NT5DC3: variants seen among roughly 807,000 people sequenced by gnomAD.
NT5DC3 encodes 5'-nucleotidase domain-containing protein 3.
NT5DC3 carries 42 observed loss-of-function variants against 67.8 expected under a neutral mutation model. That is an observed-to-expected ratio of 0.62 (90% CI 0.48 to 0.80). NT5DC3 has a LOEUF of 0.80. NT5DC3 is among the 30% of genes least tolerant of loss of function. NT5DC3 has a pLI of 0.00. For missense variants in NT5DC3, 570 were observed against 696.4 expected (o/e 0.82, Z 2.04); for synonymous variants, 237 against 255.6 (o/e 0.93, Z 0.69).
Position 103,796,932 on chromosome 12 carries a change from T to C in NT5DC3, c.715A>G (p.Ile239Val). 1 of 1,613,950 alleles carries C rather than the reference T, an allele frequency of 6.2e-7. No individual in the cohort carries two copies. The highest frequency in any genetic ancestry group is 8.5e-7 in the Non-Finnish European group (1 of 1,179,884). Residue 239 changes from isoleucine (I) to valine (V), a missense_variant, in exon 6 of 14, where the codon ATC (isoleucine) becomes GTC (valine). Physicochemically the swap from Ile to Val is conservative, Grantham distance 29. Coordinates refer to ENST00000392876, the MANE Select transcript of NT5DC3 (RefSeq NM_001031701.3). Reference protein sequence around the residue: ...CVNEYFLKNNIDYEPVHLYKD... With the variant: ...CVNEYFLKNNVDYEPVHLYKD... ...TACAGATGCACAGGCTCATAGTCGATGTTGTTCTTGAGGAAGTATTCATTC... is the reference window on the plus strand; with the variant it reads ...TACAGATGCACAGGCTCATAGTCGACGTTGTTCTTGAGGAAGTATTCATTC...
At chr12:103,765,276 A>G in the NT5DC3 span, among the ~76,000 whole-genome samples, 1 of 152,136 alleles carries the variant, frequency 6.6e-6, no homozygotes, top group Admixed American at 6.5e-5. Context: ...ACCATGCATG[A>G]AAGATTTACC....
At chr12:103,830,860 A>C (rs1887896293) in intron 1 of NT5DC3, among the ~76,000 whole-genome samples, 1 of 152,176 alleles carries the variant, frequency 6.6e-6, no homozygotes, top group Non-Finnish European at 1.5e-5. Context: ...CAATATCTTA[A>C]GTCCTATTCA....
chr12:103,781,947 T>C (rs1375013307), intron 12 of NT5DC3, among the ~76,000 whole-genome samples: 1 of 152,230 alleles, frequency 6.6e-6, no homozygotes, highest in African/African-American at 2.4e-5. Context: ...TTGAGAAAGA[T>C]ATTACAATCT....
chr12:103,832,983 C>T (rs947270575), intron 1 of NT5DC3, among the ~76,000 whole-genome samples: 4 of 152,146 alleles, frequency 2.6e-5, no homozygotes, highest in Admixed American at 2.0e-4. Context: ...TCAGTGGGTC[C>T]TATGACTCCA....
intron 1 of NT5DC3, among the ~76,000 whole-genome samples, chr12:103,822,343 G>A (rs1215589619): frequency 1.3e-5 from 2 of 152,058 alleles, no homozygotes; most frequent in African/African-American, 4.8e-5. Flanking sequence ...AACAGCAATG[G>A]TCTAGTATTC....
the NT5DC3 span, chr12:103,758,992 A>C: frequency 9.9e-6 from 14 of 1,414,790 alleles, no homozygotes; most frequent in Non-Finnish European, 1.4e-5. Flanking sequence ...GCCTAAGAAA[A>C]CCTTGACATT....
intron 1 of NT5DC3, among the ~76,000 whole-genome samples, chr12:103,832,668 C>T (rs1401681284): frequency 6.6e-6 from 1 of 152,148 alleles, no homozygotes; most frequent in Non-Finnish European, 1.5e-5. Context: ...CAGCAAAAGT[C>T]AGGCCAAAAA....
downstream of NT5DC3, chr12:103,766,273 C>A: frequency 6.2e-7 from 1 of 1,614,014 alleles, no homozygotes; most frequent in East Asian, 2.2e-5. Flanking sequence ...CCTTACAACC[C>A]TCTCTTTTCC....
chr12:103,825,171 C>T (rs1480180195), intron 1 of NT5DC3, among the ~76,000 whole-genome samples: 1 of 152,172 alleles, frequency 6.6e-6, no homozygotes, highest in Admixed American at 6.5e-5. Flanking sequence ...TATTTTGCAT[C>T]GTCTCCGAGG....
intron 4 of NT5DC3, among the ~76,000 whole-genome samples, chr12:103,798,939 C>T (rs1358854724): frequency 1.3e-5 from 2 of 152,190 alleles, no homozygotes; most frequent in Non-Finnish European, 2.9e-5. Flanking sequence ...ATGAATTACA[C>T]CTAGTCATTC....
At chr12:103,755,404 G>A in the NT5DC3 span, 7 of 1,614,062 alleles carry the variant, frequency 4.3e-6, no homozygotes, top group African/African-American at 1.3e-5. Context: ...GGTTGGGATA[G>A]TGGACTATGG....
intron 1 of NT5DC3, among the ~76,000 whole-genome samples, chr12:103,826,177 C>T (rs1887686997): frequency 1.3e-5 from 2 of 152,226 alleles, no homozygotes; most frequent in Non-Finnish European, 2.9e-5. Context: ...CCTCCCCAAC[C>T]TCCTCTCCAG....
chr12:103,762,521 C>G, the NT5DC3 span: 1 of 1,511,372 alleles, frequency 6.6e-7, no homozygotes, highest in East Asian at 2.3e-5. Context: ...GTGTGTCACA[C>G]AGTAGCAGGG....
intron 8 of NT5DC3, 53 bp from the exon 9 acceptor site, chr12:103,793,318 C>T: frequency 6.4e-7 from 1 of 1,553,284 alleles, no homozygotes; most frequent in East Asian, 2.3e-5. Context: ...TTAACTGTGT[C>T]TGTAACTTTT....
At chr12:103,780,081 C>T (rs990627355) in intron 13 of NT5DC3, among the ~76,000 whole-genome samples, 3 of 152,146 alleles carry the variant, frequency 2.0e-5, no homozygotes, top group African/African-American at 2.4e-5. Context: ...ATGGCAAGGG[C>T]GGAGGAATGA....
Position 103,787,508 on chromosome 12 carries a change from A to C in NT5DC3, c.1121T>G (p.Leu374Trp), listed in dbSNP as rs773880473. The change falls in exon 11 of 14, where the codon TTG becomes TGG. Residue 374 changes from leucine (L) to tryptophan (W), a missense_variant. Leu to Trp is a moderately conservative substitution (Grantham distance 61). This residue lies in a region of NT5DC3 where 466 missense variants were observed against 608.0 expected (regional missense o/e 0.77). Coordinates refer to ENST00000392876, the MANE Select transcript of NT5DC3 (RefSeq NM_001031701.3). ...GGATCCTCTCCATCCAGTAAGCTTC[A>C]AAAATTCATATAAATTACCCTGTAA... Reference protein sequence around the residue: ...IYKQGNLYEFLKLTGWRGSRV... With the variant: ...IYKQGNLYEFWKLTGWRGSRV... The C allele has an allele frequency of 3.8e-6, 6 of 1,594,994 alleles. No homozygotes were observed. The East Asian group carries it at 1.1e-4, about 30-fold the overall frequency.
intron 1 of NT5DC3, among the ~76,000 whole-genome samples, chr12:103,839,551 T>G (rs898934979): frequency 2.0e-4 from 30 of 152,122 alleles, no homozygotes; most frequent in African/African-American, 7.0e-4. Context: ...CTCTATTAAT[T>G]CTTAAACTGC....
chr12:103,766,464 T>G, downstream of NT5DC3: 1 of 1,073,522 alleles, frequency 9.3e-7, no homozygotes, highest in Non-Finnish European at 1.3e-6. Context: ...CTCATCTCTC[T>G]GGCTGATCTG....
At chr12:103,840,625 G>A (rs576842378) in intron 1 of NT5DC3, among the ~76,000 whole-genome samples, 1 of 152,242 alleles carries the variant, frequency 6.6e-6, no homozygotes, top group South Asian at 2.1e-4. Context: ...GCTCCCAAGG[G>A]AGGCCTGAGG....
Sources: gnomAD v4.1 joint callset for allele counts (sites outside exome capture counted in the v4.1 genomes callset) on GRCh38, gnomAD v4.1.1 for gene constraint, gnomAD v4.1.1 regional missense constraint, MANE v1.5 for transcripts, NCBI Gene and HGNC (gene_info 2026-07-23, HGNC 2026-07-21) for gene names.